TNK2: variants seen among roughly 807,000 people sequenced by gnomAD.
TNK2 encodes activated CDC42 kinase 1.
In TNK2, 83 loss-of-function variants were observed where a neutral mutation model predicts 101.8. The observed-to-expected ratio is 0.82, with a 90% CI of 0.68 to 0.98. TNK2 has a LOEUF of 0.98. Among genes scored for constraint, TNK2 ranks in the 50% least tolerant of loss-of-function variants. The pLI is 0.00. For missense variants in TNK2, 1,665 were observed against 1,483.2 expected, an observed-to-expected ratio of 1.12 and a Z score of -2.01; for synonymous variants, 804 against 633.0, an observed-to-expected ratio of 1.27 and a Z score of -4.06.
intron 9 of TNK2, among the ~76,000 whole-genome samples, chr3:195,876,138 A>G (rs1355486751): frequency 1.3e-5 from 2 of 152,130 alleles, no homozygotes; most frequent in East Asian, 1.9e-4. Context: ...ATGCGGAACA[A>G]AAGTGCTGCC....
intron 9 of TNK2, among the ~76,000 whole-genome samples, chr3:195,877,025 T>C (rs1749780853): frequency 1.3e-5 from 2 of 152,124 alleles, no homozygotes; most frequent in South Asian, 2.1e-4. Flanking sequence ...GACACGGTCA[T>C]GAGGCTGGAC....
At chr3:195,873,813 C>T (rs1156964998) in intron 9 of TNK2, among the ~76,000 whole-genome samples, 1 of 148,314 alleles carries the variant, frequency 6.7e-6, no homozygotes, top group Non-Finnish European at 1.5e-5. Context: ...GCACCACGGT[C>T]GGCGGGGAGG....
At chr3:195,873,886 G>A (rs1294549781) in intron 9 of TNK2, among the ~76,000 whole-genome samples, 1 of 152,182 alleles carries the variant, frequency 6.6e-6, no homozygotes, top group Non-Finnish European at 1.5e-5. Context: ...CTCATACACA[G>A]GGCCACTGGC....
chr3:195,868,049 T>C lies in TNK2; in HGVS notation c.2249A>G (p.Asp750Gly), dbSNP rs766070718. 1 of 1,598,166 alleles carries C rather than the reference T, an allele frequency of 6.3e-7. No homozygotes were observed. The highest frequency in any genetic ancestry group is 1.7e-5 in the Admixed American group (1 of 58,350). ...PAPSPSPGGD[D>G]KPQVPPRVPI... ...TACCCGAGGAGGCACCTGGGGCTTGTCGTCACCCCCCGGGCTGGGAGAGGG... is the reference window on the plus strand; with the variant it reads ...TACCCGAGGAGGCACCTGGGGCTTGCCGTCACCCCCCGGGCTGGGAGAGGG... The change falls in exon 13 of 16, where the codon GAC (aspartate) becomes GGC (glycine). Residue 750 changes from aspartate (D) to glycine (G), a missense_variant. By Grantham distance (94) the Asp-to-Gly change is moderately conservative (BLOSUM62 -1). Around this residue, in one of 3 missense-constraint regions of TNK2, gnomAD observed 1,136 missense variants for 894.9 expected, o/e 1.27. Coordinates refer to ENST00000672887, the MANE Select transcript of TNK2 (RefSeq NM_001382273.1).
intron 1 of TNK2, chr3:195,892,819 T>G: frequency 3.4e-6 from 3 of 889,474 alleles, no homozygotes; most frequent in Non-Finnish European, 2.7e-6. Context: ...TGCCTGCCTC[T>G]CTCTCTCCCT....
At chr3:195,875,493 C>T (rs534737651) in intron 9 of TNK2, among the ~76,000 whole-genome samples, 28 of 152,282 alleles carry the variant, frequency 1.8e-4, no homozygotes, top group African/African-American at 6.0e-4. Context: ...CGCCCACGCA[C>T]ACTCCAAGGC....
chr3:195,870,025 A>G (rs1381322744), intron 11 of TNK2, 89 bp downstream of exon 11: 19 of 1,062,820 alleles, frequency 1.8e-5, no homozygotes, highest in South Asian at 5.4e-5. Context: ...CCAAAAACAG[A>G]ACAGCAGCCT....
chr3:195,865,506 C>G (rs1317150758), intron 15 of TNK2, among the ~76,000 whole-genome samples: 1 of 145,228 alleles, frequency 6.9e-6, no homozygotes, highest in Non-Finnish European at 1.5e-5. Flanking sequence ...AAGAACCACC[C>G]GAGACTGGGA....
Position 195,870,153 on chromosome 3 carries a change from T to C in TNK2, c.1504A>G (p.Ser502Gly). The change falls in exon 11 of 16, where the codon AGC (serine) becomes GGC (glycine). Residue 502 changes from serine (S) to glycine (G), a missense_variant. Around this residue, in one of 3 missense-constraint regions of TNK2, gnomAD observed 1,136 missense variants for 894.9 expected, o/e 1.27. Transcript: ENST00000672887. ...DPPDLLSVEL[S>G]TSRPPQHLGG... ...AGATGCTGGGGGGGCCGGGAGGTGC[T>C]CAGTTCCACGCTCAGGAGGTCGGGG... The C allele has an allele frequency of 7.1e-7, 1 of 1,408,158 alleles. No homozygotes were observed. Among genetic ancestry groups the C allele is most frequent in the Middle Eastern group, 1.9e-4 (1 of 5,214 alleles). The allele number at this position is 1,408,158 out of a possible 1,614,324, so 87.2% of individuals were successfully genotyped here. A position where few individuals can be genotyped will look rare whatever the true frequency, so the allele number is the denominator to read the frequency against.
chr3:195,866,117 T>C (rs1176119221), intron 15 of TNK2, among the ~76,000 whole-genome samples: 6 of 152,198 alleles, frequency 3.9e-5, no homozygotes, highest in South Asian at 2.1e-4. Flanking sequence ...AGTGTGTTTA[T>C]ATATGTATAT....
chr3:195,870,415 G>A lies in TNK2; in HGVS notation c.1452-210C>T, dbSNP rs752345772. The A allele has an allele frequency of 9.8e-6, 14 of 1,427,454 alleles. No individual in the cohort carries two copies. The Admixed American group carries it at 2.4e-4, about 25-fold the overall frequency. 88.4% of individuals were successfully genotyped at this position (1,427,454 alleles called of 1,614,324 possible). A position where few individuals can be genotyped will look rare whatever the true frequency, so the allele number is the denominator to read the frequency against. On this transcript the variant is annotated intron_variant, in intron 10 of 15. Transcript: ENST00000672887. ...GCAGAGAAAGGACACCTGACCCCAG[G>A]ATGGAAAGCCTAGGACCTCAGGGAC...
chr3:195,874,161 C>A (rs1312994397), intron 9 of TNK2, among the ~76,000 whole-genome samples: 4 of 152,222 alleles, frequency 2.6e-5, no homozygotes, highest in Admixed American at 1.3e-4. Flanking sequence ...ACGCCGGACT[C>A]TGCTCTCCAC....
rs996677099 is a variant in TNK2, at chr3:195,866,823, A to C, written c.3161+66T>G. On this transcript the variant is annotated intron_variant, in intron 15 of 15. Coordinates refer to ENST00000672887, the MANE Select transcript of TNK2 (RefSeq NM_001382273.1). ...CCTGCGAGGTGTTGGGCTTCCTCCC[A>C]GTGTGGCAGGCTCTGGGACAGCCCT... The C allele has an allele frequency of 8.7e-5, 136 of 1,565,412 alleles. 1 individual carries two copies. In the African/African-American group the frequency reaches 1.6e-3, roughly 18 times the overall value.
chr3:195,869,491 A>G lies in TNK2; in HGVS notation c.1588+6T>C, dbSNP rs1268902666. ...GGGCCAAGGCATCGGAAGCAGCCCC[A>G]CTTACTCTGAGTGAAGAAGGCAGGC... On this transcript the variant is annotated splice_donor_region_variant and intron_variant, in intron 12 of 15. Transcript: ENST00000672887. The G allele has an allele frequency of 2.0e-5, 31 of 1,547,104 alleles. No individual in the cohort carries two copies. Among genetic ancestry groups the G allele is most frequent in the Non-Finnish European group, 2.6e-5 (30 of 1,145,012 alleles).
In TNK2 at chr3:195,871,751, C is replaced by T. The variant is rs114434313; in HGVS notation, c.1451+525G>A. 3.4e-3 allele frequency among the ~76,000 whole-genome samples: 518 copies of T among 152,342 alleles called. 3 individuals are homozygous for T. Among genetic ancestry groups the T allele is most frequent in the South Asian group, 7.9e-3 (38 of 4,832 alleles). On this transcript the variant is annotated intron_variant, in intron 10 of 15. Coordinates refer to ENST00000672887, the MANE Select transcript of TNK2 (RefSeq NM_001382273.1). Reference sequence around the variant, plus strand: ...AGTGGGAAAGCTTCTCTCAGGACCCCTGCATCTGAGCAGCAAGTGCTAATT... The same window carrying T: ...AGTGGGAAAGCTTCTCTCAGGACCCTTGCATCTGAGCAGCAAGTGCTAATT...
At chr3:195,884,598 G>A (rs956812483) in intron 4 of TNK2, 14 of 487,288 alleles carry the variant, frequency 2.9e-5, no homozygotes, top group Middle Eastern at 5.3e-4. Flanking sequence ...AGCCGAGATC[G>A]TGCCTACTGC....
At position 195,863,396 on chromosome 3, in the gene TNK2, G is replaced by A. The variant is rs1020260527; in HGVS notation, c.*785C>T. 2 of 152,694 alleles carry A rather than the reference G, an allele frequency of 1.3e-5. No individual in the cohort carries two copies. Among genetic ancestry groups the A allele is most frequent in the Non-Finnish European group, 2.9e-5 (2 of 68,058 alleles). The allele number at this position is 152,694 out of a possible 1,614,324, so 9.5% of individuals were successfully genotyped here. A position where few individuals can be genotyped will look rare whatever the true frequency, so the allele number is the denominator to read the frequency against. On this transcript the variant is annotated 3_prime_UTR_variant, in exon 16 of 16. Coordinates refer to ENST00000672887, the MANE Select transcript of TNK2 (RefSeq NM_001382273.1). ...AAATAGAAACTAACTTTATTTCTCT[G>A]GAAGAAGCAGGTACTGAATGCCGGA...
intron 1 of TNK2, among the ~76,000 whole-genome samples, chr3:195,889,334 A>G (rs1335107174): frequency 6.6e-6 from 1 of 152,186 alleles, no homozygotes; most frequent in Non-Finnish European, 1.5e-5. Context: ...CAAGAAATAA[A>G]TCCCAATTTA....
intron 9 of TNK2, among the ~76,000 whole-genome samples, chr3:195,873,598 C>T (rs923810417): frequency 7.9e-5 from 12 of 152,126 alleles, no homozygotes; most frequent in Non-Finnish European, 1.6e-4. Flanking sequence ...CACTGCACGC[C>T]CTCCCCACCA....
Sources: allele counts gnomAD v4.1 joint callset (sites outside exome capture counted in the v4.1 genomes callset), GRCh38; gene constraint gnomAD v4.1.1; regional missense constraint gnomAD v4.1.1; transcripts MANE v1.5; gene names NCBI Gene and HGNC (gene_info 2026-07-23, HGNC 2026-07-21).